Variants in KIAA0232 observed in about 807,000 individuals in gnomAD.
The protein encoded by KIAA0232 is uncharacterized protein KIAA0232.
Under a neutral mutation model 122.0 loss-of-function variants are expected in KIAA0232, and 27 were observed. The ratio of observed to expected loss-of-function variants is 0.22; its 90% confidence interval spans 0.16 to 0.31. The LOEUF (loss-of-function observed/expected upper bound fraction) is 0.31, where lower values mean the gene tolerates loss of function less well. Among genes scored for constraint, KIAA0232 ranks in the 10% least tolerant of loss-of-function variants. The pLI, the probability that KIAA0232 is intolerant of heterozygous loss-of-function variation, is 1.00. For missense variants in KIAA0232, 1,551 were observed against 1,634.2 expected, an observed-to-expected ratio of 0.95 and a Z score of 0.88; for synonymous variants, 613 against 587.6, an observed-to-expected ratio of 1.04 and a Z score of -0.63.
chr4:6,817,714 A>G (rs1294798530), intron 2 of KIAA0232, among the ~76,000 whole-genome samples: 1 of 152,170 alleles, frequency 6.6e-6, no homozygotes, highest in African/African-American at 2.4e-5. Context: ...TGTTCTCTCT[A>G]TATCCTTACT....
rs1440662746 is a variant in KIAA0232, at chr4:6,828,521, G to C, written c.231+3837G>C. Among the ~76,000 whole-genome samples, 13 of 152,060 alleles carry C rather than the reference G, an allele frequency of 8.5e-5. No homozygotes were observed. The East Asian group carries it at 2.5e-3, about 29-fold the overall frequency. ...TGCTTTCTTTTATTGATATATAATA[G>C]TTGTACATATTTGTGGGTATTATGA... On this transcript the variant is annotated intron_variant, in intron 3 of 9. Coordinates refer to ENST00000307659, the MANE Select transcript of KIAA0232 (RefSeq NM_014743.3).
At chr4:6,873,389 T>G (rs1011726999) in intron 8 of KIAA0232, among the ~76,000 whole-genome samples, 1 of 152,202 alleles carries the variant, frequency 6.6e-6, no homozygotes, top group Non-Finnish European at 1.5e-5. Flanking sequence ...GTGTCCAGTC[T>G]GGTAAACTGG....
At chr4:6,811,583 C>G (rs751534526) in intron 2 of KIAA0232, among the ~76,000 whole-genome samples, 2 of 152,046 alleles carry the variant, frequency 1.3e-5, no homozygotes, top group South Asian at 2.1e-4. Flanking sequence ...GCTGGGACTC[C>G]AAGCGCAAGC....
intron 9 of KIAA0232, among the ~76,000 whole-genome samples, chr4:6,880,520 CTT>C (rs2108863626): frequency 6.6e-6 from 1 of 152,344 alleles, no homozygotes; most frequent in South Asian, 2.1e-4. Context: ...TACTCAAAGA[CTT>C]TGAAAATGAA....
intron 2 of KIAA0232, among the ~76,000 whole-genome samples, chr4:6,820,920 A>C (rs1245060725): frequency 6.6e-6 from 1 of 152,236 alleles, no homozygotes; most frequent in East Asian, 1.9e-4. Context: ...CCATGGCAGA[A>C]AGCATCACAT....
intron 5 of KIAA0232, among the ~76,000 whole-genome samples, chr4:6,857,870 G>T (rs748785648): frequency 6.6e-6 from 1 of 152,184 alleles, no homozygotes. Flanking sequence ...TGCCCACCAA[G>T]CCTTGAGCCT....
chr4:6,785,052 C>T (rs1716555567), intron 1 of KIAA0232, among the ~76,000 whole-genome samples: 1 of 151,962 alleles, frequency 6.6e-6, no homozygotes, highest in Admixed American at 6.6e-5. Flanking sequence ...AGTCTCCTGC[C>T]TCAACCTCCC....
At chr4:6,801,688 A>G (rs1358136661) in intron 1 of KIAA0232, among the ~76,000 whole-genome samples, 3 of 152,148 alleles carry the variant, frequency 2.0e-5, no homozygotes, top group Non-Finnish European at 2.9e-5. Flanking sequence ...AAAAAAAAAA[A>G]AGAGAAAGGT....
At chr4:6,795,078 G>A (rs1304276909) in intron 1 of KIAA0232, among the ~76,000 whole-genome samples, 1 of 152,038 alleles carries the variant, frequency 6.6e-6, no homozygotes, top group Admixed American at 6.6e-5. Context: ...GTTTTGTTTT[G>A]TTTTGTTTTT....
chr4:6,848,951 T>C (rs1450006508), intron 4 of KIAA0232, among the ~76,000 whole-genome samples: 1 of 152,212 alleles, frequency 6.6e-6, no homozygotes, highest in Non-Finnish European at 1.5e-5. Context: ...TTTGGGTATA[T>C]AGATGGCAGT....
intron 3 of KIAA0232, among the ~76,000 whole-genome samples, chr4:6,832,587 G>A (rs1172594835): frequency 6.6e-6 from 1 of 152,106 alleles, no homozygotes; most frequent in Admixed American, 6.6e-5. Context: ...GACCTCAAGT[G>A]ATCTGCCTGC....
At chr4:6,792,825 G>T (rs886211143) in intron 1 of KIAA0232, among the ~76,000 whole-genome samples, 6 of 151,816 alleles carry the variant, frequency 4.0e-5, no homozygotes, top group African/African-American at 1.5e-4. Context: ...GAGTAGCTGG[G>T]ACCACAGGTG....
chr4:6,786,143 A>G (rs1716609937), intron 1 of KIAA0232, among the ~76,000 whole-genome samples: 1 of 152,196 alleles, frequency 6.6e-6, no homozygotes, highest in Admixed American at 6.5e-5. Flanking sequence ...TGCCCCCAAC[A>G]CCTTGCTCAG....
At chr4:6,837,161 C>G (rs995412181) in intron 3 of KIAA0232, among the ~76,000 whole-genome samples, 2 of 150,950 alleles carry the variant, frequency 1.3e-5, no homozygotes, top group Non-Finnish European at 3.0e-5. Context: ...AACGGGCCGG[C>G]TGGCGGGGCG....
At chr4:6,831,415 G>T (rs138609989) in intron 3 of KIAA0232, among the ~76,000 whole-genome samples, 76 of 152,216 alleles carry the variant, frequency 5.0e-4, no homozygotes, top group African/African-American at 1.7e-3. Context: ...GTATCCTTTC[G>T]TGATGGCCCC....
chr4:6,841,515 A>G (rs1434311189), intron 3 of KIAA0232, among the ~76,000 whole-genome samples: 7 of 152,336 alleles, frequency 4.6e-5, no homozygotes, highest in South Asian at 2.1e-4. Context: ...GGCAATTTCT[A>G]TTTGTGTGAA....
chr4:6,811,400 T>G (rs896583009), intron 2 of KIAA0232, among the ~76,000 whole-genome samples: 2 of 152,246 alleles, frequency 1.3e-5, no homozygotes, highest in African/African-American at 4.8e-5. Flanking sequence ...TGACTTAATA[T>G]GCAGTCTATG....
chr4:6,860,285 C>T (rs1400149492), intron 6 of KIAA0232, among the ~76,000 whole-genome samples: 1 of 152,172 alleles, frequency 6.6e-6, no homozygotes, highest in African/African-American at 2.4e-5. Flanking sequence ...GGTGAGGAAA[C>T]TGAGCTATGG....
intron 4 of KIAA0232, among the ~76,000 whole-genome samples, chr4:6,845,879 G>A (rs554275502): frequency 2.6e-5 from 4 of 152,296 alleles, no homozygotes; most frequent in South Asian, 2.1e-4. Context: ...TTGAATTTGC[G>A]TGTAATTCAT....
Sources: gnomAD v4.1 joint callset for allele counts (sites outside exome capture counted in the v4.1 genomes callset) on GRCh38, gnomAD v4.1.1 for gene constraint, MANE v1.5 for transcripts, NCBI Gene and HGNC (gene_info 2026-07-23, HGNC 2026-07-21) for gene names.